ADK: variants seen among roughly 807,000 people sequenced by gnomAD.
ADK encodes the protein adenosine kinase.
In ADK, 24 loss-of-function variants were observed where a neutral mutation model predicts 44.7. The observed-to-expected ratio is 0.54, with a 90% CI of 0.39 to 0.76. ADK has a LOEUF of 0.76. ADK is among the 30% of genes least tolerant of loss of function. The pLI is 0.00. For missense variants in ADK, 321 were observed against 425.1 expected (o/e 0.76, Z 2.15); for synonymous variants, 128 against 142.6 (o/e 0.90, Z 0.73).
rs182904926 is a variant in ADK, at chr10:74,670,639, A to G, written c.964+370A>G. On this transcript the variant is annotated intron_variant, in intron 10 of 10. Coordinates refer to ENST00000539909, the MANE Select transcript of ADK (RefSeq NM_006721.4). Reference sequence around the variant, plus strand: ...AAACAAGTTGTGATGAATATTAAACAGTATGCTAATAACTAAGGATGATGT... The same window carrying G: ...AAACAAGTTGTGATGAATATTAAACGGTATGCTAATAACTAAGGATGATGT... Among the ~76,000 whole-genome samples, 305 of 152,318 alleles carry G rather than the reference A, an allele frequency of 2.0e-3. 2 individuals carry two copies. Among genetic ancestry groups the G allele is most frequent in the African/African-American group, 7.0e-3 (293 of 41,570 alleles).
At chr10:74,180,641 G>A (rs1842516239) in intron 1 of ADK, among the ~76,000 whole-genome samples, 2 of 151,980 alleles carry the variant, frequency 1.3e-5, no homozygotes, top group South Asian at 4.1e-4. Context: ...TGTATTTTTA[G>A]TAGAGACGGG....
At chr10:74,276,112 A>G (rs1228572072) in intron 3 of ADK, among the ~76,000 whole-genome samples, 1 of 152,180 alleles carries the variant, frequency 6.6e-6, no homozygotes, top group Non-Finnish European at 1.5e-5. Context: ...TAGGATGTAT[A>G]TTACACATAT....
At chr10:74,178,003 G>A (rs569039784) in intron 1 of ADK, among the ~76,000 whole-genome samples, 32 of 147,652 alleles carry the variant, frequency 2.2e-4, no homozygotes, top group Non-Finnish European at 3.9e-4. Context: ...GTGCAATGGC[G>A]CGCTCTCTGC....
chr10:74,505,063 G>A (rs1848011696), intron 6 of ADK, among the ~76,000 whole-genome samples: 1 of 152,112 alleles, frequency 6.6e-6, no homozygotes, highest in South Asian at 2.1e-4. Flanking sequence ...GGAAGAGCTG[G>A]TCTTCCTGTC....
At chr10:74,338,418 T>G (rs1315638639) in intron 4 of ADK, among the ~76,000 whole-genome samples, 1 of 152,184 alleles carries the variant, frequency 6.6e-6, no homozygotes, top group African/African-American at 2.4e-5. Context: ...TCCTGAGTAT[T>G]TAACATAGAA....
chr10:74,170,282 A>G (rs1372260287), intron 1 of ADK, among the ~76,000 whole-genome samples: 1 of 152,216 alleles, frequency 6.6e-6, no homozygotes, highest in Non-Finnish European at 1.5e-5. Flanking sequence ...ATTAATCAAA[A>G]AAATCATGAG....
Position 74,151,233 on chromosome 10 carries a change from A to ACC in ADK, c.-46_-45insCC. ...AAGAGGGGGCGGGACCAGAGAGTGG[A>ACC]TGGCAGAGGTGGGCTGTAGAGCCAA... On this transcript the variant is annotated 5_prime_UTR_variant, in exon 1 of 11. The change abolishes an upstream ATG in the 5' untranslated region. Transcript: ENST00000539909. 6.5e-7 allele frequency: 1 copy of ACC among 1,546,458 alleles called. No individual in the cohort carries two copies. Among genetic ancestry groups the ACC allele is most frequent in the African/African-American group, 1.4e-5 (1 of 73,006 alleles).
intron 4 of ADK, among the ~76,000 whole-genome samples, chr10:74,330,038 C>T (rs1052485431): frequency 2.0e-5 from 3 of 151,942 alleles, no homozygotes; most frequent in African/African-American, 7.2e-5. Context: ...CACGGTGGTA[C>T]ATGCCTGTCA....
intron 3 of ADK, among the ~76,000 whole-genome samples, chr10:74,228,130 C>T (rs1459201477): frequency 1.3e-5 from 2 of 152,164 alleles, no homozygotes; most frequent in South Asian, 2.1e-4. Flanking sequence ...TTTTGTGATT[C>T]AGATTTCATA....
chr10:74,611,484 C>G (rs1852541258), intron 9 of ADK, among the ~76,000 whole-genome samples: 1 of 150,412 alleles, frequency 6.6e-6, no homozygotes, highest in Admixed American at 6.6e-5. Context: ...AAATACAGTC[C>G]TACCTTTTTT....
chr10:74,220,574 G>T (rs1296261293), intron 2 of ADK, among the ~76,000 whole-genome samples: 3 of 152,106 alleles, frequency 2.0e-5, no homozygotes, highest in South Asian at 2.1e-4. Flanking sequence ...CCAAAAAAGA[G>T]AATTTTAGAC....
At chr10:74,372,760 G>A (rs1308032135) in intron 4 of ADK, among the ~76,000 whole-genome samples, 2 of 152,070 alleles carry the variant, frequency 1.3e-5, no homozygotes, top group African/African-American at 4.8e-5. Flanking sequence ...AATATTTTTA[G>A]GATGGCAGTT....
intron 2 of ADK, among the ~76,000 whole-genome samples, chr10:74,221,427 T>C (rs1844304481): frequency 6.6e-6 from 1 of 151,974 alleles, no homozygotes; most frequent in Non-Finnish European, 1.5e-5. Context: ...ATCAATATCG[T>C]GAAAATGGCC....
chr10:74,640,235 C>T (rs1853792748), intron 9 of ADK, among the ~76,000 whole-genome samples: 1 of 152,210 alleles, frequency 6.6e-6, no homozygotes, highest in Admixed American at 6.5e-5. Flanking sequence ...AAGTGGCTCT[C>T]TCTCAGATCT....
chr10:74,323,557 A>G (rs947096658), intron 4 of ADK, among the ~76,000 whole-genome samples: 4 of 151,680 alleles, frequency 2.6e-5, no homozygotes, highest in Non-Finnish European at 4.4e-5. Context: ...CAGTTTCACA[A>G]TATTTTCTTT....
At chr10:74,347,031 C>A (rs112438084) in intron 4 of ADK, among the ~76,000 whole-genome samples, 1 of 139,334 alleles carries the variant, frequency 7.2e-6, no homozygotes, top group Non-Finnish European at 1.5e-5. Flanking sequence ...GGTGTGAACC[C>A]GGGAGGTGGA....
intron 7 of ADK, among the ~76,000 whole-genome samples, chr10:74,583,206 A>C (rs1851427508): frequency 6.6e-6 from 1 of 152,180 alleles, no homozygotes. Context: ...TACACAGTGG[A>C]TAGTTCTTTA....
intron 3 of ADK, among the ~76,000 whole-genome samples, chr10:74,278,908 C>A (rs1230118303): frequency 6.6e-6 from 1 of 152,148 alleles, no homozygotes; most frequent in Non-Finnish European, 1.5e-5. Flanking sequence ...TAGTTGGATT[C>A]TTTAATCTTA....
In ADK at chr10:74,453,145, A is replaced by C. The variant is rs1235067513; in HGVS notation, c.555+54566A>C. Among the ~76,000 whole-genome samples the C allele has an allele frequency of 2.0e-5, 3 of 152,084 alleles. No homozygotes were observed. The East Asian group carries it at 5.8e-4, about 29-fold the overall frequency. On this transcript the variant is annotated intron_variant, in intron 6 of 10. Coordinates refer to ENST00000539909, the MANE Select transcript of ADK (RefSeq NM_006721.4). ...ATGAGATTTTTTTAAAACAGTTAAG[A>C]ATTTACTAAATTTAAAATGTATATA...
Sources: allele counts gnomAD v4.1 joint callset (sites outside exome capture counted in the v4.1 genomes callset), GRCh38; gene constraint gnomAD v4.1.1; transcripts MANE v1.5; gene names NCBI Gene and HGNC (gene_info 2026-07-23, HGNC 2026-07-21).